The following CCDC57 variants were observed in gnomAD, a reference collection of about 807,000 sequenced individuals.
CCDC57 encodes the protein coiled-coil domain containing 57, also known as coiled-coil domain-containing protein 57.
In CCDC57, 118 loss-of-function variants were observed where a neutral mutation model predicts 118.9. The ratio of observed to expected loss-of-function variants is 0.99; its 90% CI spans 0.86 to 1.16. The LOEUF is 1.16. Among genes scored for constraint, CCDC57 ranks in the 50% most tolerant of loss-of-function variants. CCDC57 has a pLI of 0.00. For missense variants in CCDC57, 1,300 were observed against 1,320.7 expected (o/e 0.98, Z 0.24); for synonymous variants, 527 against 532.9 (o/e 0.99, Z 0.15).
At chr17:82,147,479 G>A (rs545625405) in intron 16 of CCDC57, among the ~76,000 whole-genome samples, 47 of 151,538 alleles carry the variant, frequency 3.1e-4, no homozygotes, top group African/African-American at 1.1e-3. Flanking sequence ...GTGTATGGAC[G>A]GATGGACAGG....
chr17:82,202,498 C>T (rs2049118502), intron 2 of CCDC57, among the ~76,000 whole-genome samples: 1 of 151,538 alleles, frequency 6.6e-6, no homozygotes, highest in South Asian at 2.1e-4. Flanking sequence ...TCCTGTAATC[C>T]CAGCCCTTTG....
rs756918467 is a variant in CCDC57, at chr17:82,179,165, T to A, written c.1236A>T (p.Ala412=). The change falls in exon 10 of 20, where the codon GCA becomes GCT. Residue 412 remains alanine, a synonymous_variant. Coordinates refer to ENST00000665763, the Ensembl canonical transcript of CCDC57. ...GCTCCAGGCTCCGCTCCCTTTCCAC[T>A]GCCAGGGACAGCTGTTGCTTGTACC... 7.4e-6 allele frequency: 12 copies of A among 1,613,906 alleles called. No homozygotes were observed. In the South Asian group the frequency reaches 1.3e-4, roughly 18 times the overall value.
rs1488753921 is a variant in CCDC57, at chr17:82,150,048, C to T, written c.2455+1512G>A. Among the ~76,000 whole-genome samples, 46 of 136,136 alleles carry T rather than the reference C, an allele frequency of 3.4e-4. 4 individuals carry two copies. Among genetic ancestry groups the T allele is most frequent in the African/African-American group, 1.2e-3 (44 of 36,902 alleles). The allele number at this position is 136,136 out of a possible 152,430, so 89.3% of individuals were successfully genotyped here. The stretch of plus-strand genomic sequence containing the variant: ...CCTGGCACACACCCAGAATGTGACC[C>T]CCACCCAGAACCAGGCACACACTCA... On this transcript the variant is annotated intron_variant, in intron 16 of 19. Coordinates refer to ENST00000665763, the Ensembl canonical transcript of CCDC57.
At chr17:82,133,178 C>T (rs1418762029) in intron 17 of CCDC57, among the ~76,000 whole-genome samples, 7 of 152,104 alleles carry the variant, frequency 4.6e-5, no homozygotes. Flanking sequence ...CAAGACCAGC[C>T]TGGGCAACAT....
intron 16 of CCDC57, among the ~76,000 whole-genome samples, chr17:82,138,428 A>C (rs996579770): frequency 3.9e-5 from 6 of 151,956 alleles, no homozygotes; most frequent in Non-Finnish European, 5.9e-5. Flanking sequence ...GATTACAGGC[A>C]TGAGCCACCG....
intron 16 of CCDC57, among the ~76,000 whole-genome samples, chr17:82,150,942 C>G (rs1359595163): frequency 7.4e-5 from 7 of 94,692 alleles, no homozygotes; most frequent in Admixed American, 1.3e-4. Flanking sequence ...CACCCAGAAC[C>G]AGGCGCACAC....
At chr17:82,170,701 G>A (rs1380057368) in intron 13 of CCDC57, among the ~76,000 whole-genome samples, 1 of 152,096 alleles carries the variant, frequency 6.6e-6, no homozygotes, top group Non-Finnish European at 1.5e-5. Flanking sequence ...CCAGAAGTGA[G>A]AAAATAAAAC....
Position 82,196,220 on chromosome 17 carries a change from G to A in CCDC57, c.517-856C>T, listed in dbSNP as rs528281572. ...TCCTCCTCAAACTCCTTCTTTGGAA[G>A]TGACTTTGGAGCCACTTGAGGAAGC... On this transcript the variant is annotated intron_variant, in intron 4 of 19. Transcript: ENST00000665763. Among the ~76,000 whole-genome samples the A allele has an allele frequency of 9.8e-4, 149 of 152,352 alleles. 1 individual carries two copies. Among genetic ancestry groups the A allele is most frequent in the African/African-American group, 3.5e-3 (144 of 41,582 alleles).
At chr17:82,122,095 G>A (rs572261939) in intron 19 of CCDC57, among the ~76,000 whole-genome samples, 136 of 152,184 alleles carry the variant, frequency 8.9e-4, no homozygotes, top group Non-Finnish European at 1.2e-3. Flanking sequence ...ACTCTCTCCC[G>A]GATCTGCTTC....
intron 14 of CCDC57, among the ~76,000 whole-genome samples, chr17:82,162,167 T>C (rs1026967062): frequency 1.2e-4 from 18 of 152,100 alleles, no homozygotes; most frequent in African/African-American, 4.3e-4. Context: ...TCCCGGCTAA[T>C]TTTTTGTATT....
chr17:82,103,664 C>T (rs1376989438), intron 19 of CCDC57, among the ~76,000 whole-genome samples: 1 of 152,234 alleles, frequency 6.6e-6, no homozygotes, highest in African/African-American at 2.4e-5. Context: ...CGGCTTGATC[C>T]TCCTCAGACA....
intron 13 of CCDC57, among the ~76,000 whole-genome samples, chr17:82,170,232 G>A (rs564164918): frequency 4.3e-4 from 65 of 152,212 alleles, no homozygotes; most frequent in Middle Eastern, 6.8e-3. Flanking sequence ...AGGAAGAGTC[G>A]GGCGCGGTGT....
intron 16 of CCDC57, among the ~76,000 whole-genome samples, chr17:82,142,457 C>T (rs534331019): frequency 4.6e-5 from 7 of 152,190 alleles, no homozygotes; most frequent in South Asian, 2.1e-4. Flanking sequence ...GGACTATAGG[C>T]GCGCAACACC....
chr17:82,127,811 T>C (rs2037693951), exon 19 of CCDC57: 2 of 1,612,946 alleles, frequency 1.2e-6, no homozygotes, highest in Non-Finnish European at 1.7e-6. Context: ...TTGGCGACCA[T>C]GCTCCTCAGG....
chr17:82,172,977 G>T lies in CCDC57; in HGVS notation c.1507-117C>A. The T allele has an allele frequency of 1.1e-6, 1 of 874,618 alleles. No individual in the cohort carries two copies. Among genetic ancestry groups the T allele is most frequent in the Non-Finnish European group, 1.8e-6 (1 of 545,656 alleles). 54.2% of individuals were successfully genotyped at this position (874,618 alleles called of 1,614,324 possible). ...TCGGGCCGGTCCCCCGCTTCAGCTT[G>T]GGCTGTGGTCCCTCCCCATCCCCAG... On this transcript the variant is annotated intron_variant, in intron 11 of 19. Coordinates refer to ENST00000665763, the Ensembl canonical transcript of CCDC57. This position sits in a 1 kb window ranked among gnomAD's most constrained non-coding sequence, Gnocchi z 5.2.
At chr17:82,145,928 A>G in intron 16 of CCDC57, 1 of 346,270 alleles carries the variant, frequency 2.9e-6, no homozygotes. Context: ...ACGCCCCGGC[A>G]CCTCCCCCCA....
At chr17:82,186,795 A>T (rs1395608259) in intron 8 of CCDC57, among the ~76,000 whole-genome samples, 1 of 152,144 alleles carries the variant, frequency 6.6e-6, no homozygotes, top group Non-Finnish European at 1.5e-5. Context: ...TACAAAAATT[A>T]GCTGAGCATG....
chr17:82,131,328 G>A (rs2038336963), intron 17 of CCDC57, among the ~76,000 whole-genome samples: 1 of 152,000 alleles, frequency 6.6e-6, no homozygotes, highest in Non-Finnish European at 1.5e-5. Flanking sequence ...CTGCTCAGAA[G>A]GCTGAGGCAG....
chr17:82,148,265 GTAGA>G (rs1203869192), intron 16 of CCDC57, among the ~76,000 whole-genome samples: 2 of 145,170 alleles, frequency 1.4e-5, no homozygotes, highest in African/African-American at 2.6e-5. Context: ...TGGATGGATG[GTAGA>G]TGGATGGATG....
Sources: allele counts gnomAD v4.1 joint callset (sites outside exome capture counted in the v4.1 genomes callset), GRCh38; gene constraint gnomAD v4.1.1; non-coding constraint Gnocchi (gnomAD v3.1); transcripts MANE v1.5; gene names NCBI Gene and HGNC (gene_info 2026-07-23, HGNC 2026-07-21).